Variants in NT5C3A observed in about 807,000 individuals in gnomAD.
NT5C3A encodes 5'-nucleotidase, cytosolic IIIA.
NT5C3A carries 23 observed loss-of-function variants against 40.0 expected under a neutral mutation model. That is an observed-to-expected ratio of 0.58 (90% CI 0.41 to 0.81). The LOEUF is 0.81. NT5C3A is among the 40% of genes least tolerant of loss of function. The pLI, the probability that NT5C3A is intolerant of heterozygous loss-of-function variation, is 0.00. For missense variants in NT5C3A, 328 were observed against 403.0 expected (o/e 0.81, Z 1.59); for synonymous variants, 130 against 141.4 (o/e 0.92, Z 0.57).
rs986951507 is a variant in NT5C3A, at chr7:33,062,760, C to T, written c.-55G>A. ...GAAAAAAACAGGCAGCTCGCGTAGA[C>T]TGCGAGTCTCGGAAGCGCGGGATCC... is the stretch of plus-strand genomic sequence containing the variant. On this transcript the variant is annotated 5_prime_UTR_variant, in exon 1 of 9. Transcript: ENST00000610140. The T allele has an allele frequency of 7.7e-6, 12 of 1,548,792 alleles. No individual in the cohort carries two copies. The highest frequency in any genetic ancestry group is 1.4e-5 in the African/African-American group (1 of 72,988).
At chr7:33,056,433 T>G (rs908079161) in intron 1 of NT5C3A, among the ~76,000 whole-genome samples, 1 of 120,116 alleles carries the variant, frequency 8.3e-6, no homozygotes, top group Admixed American at 1.2e-4. Context: ...GCCCAGGAAT[T>G]TAAGACCAGC....
rs1231312018 is a variant in NT5C3A at position 33,021,318 on chromosome 7, C to T, written c.394G>A (p.Asp132Asn). 5 of 1,612,012 alleles carry T rather than the reference C, an allele frequency of 3.1e-6. No individual in the cohort carries two copies. The Admixed American group carries it at 8.3e-5, about 27-fold the overall frequency. Residue 132 changes from aspartate (D) to asparagine (N), a missense_variant, in exon 5 of 9, where the codon GAT (aspartate) becomes AAT (asparagine). Asp to Asn is a conservative substitution (Grantham distance 23). This residue lies in a region of NT5C3A where 280 missense variants were observed against 317.2 expected (regional missense o/e 0.88). Transcript: ENST00000610140. ...LKEKYYAIEV[D>N]PVLTVEEKYP... ...TTCTCTTCTACAGTAAGAACAGGAT[C>T]AACTTCAATAGCGTAATATTTTTCC... is the stretch of plus-strand genomic sequence containing the variant.
chr7:33,019,891 A>C (rs532250890), intron 5 of NT5C3A, among the ~76,000 whole-genome samples, 167 bp from the exon 6 acceptor site: 2 of 152,326 alleles, frequency 1.3e-5, no homozygotes, highest in Admixed American at 1.3e-4. Flanking sequence ...ATGTCTCAAA[A>C]TGTGATATGC....
At chr7:33,033,895 A>ATATAAT (rs1562595149) in intron 1 of NT5C3A, among the ~76,000 whole-genome samples, 2 of 137,170 alleles carry the variant, frequency 1.5e-5, no homozygotes, top group African/African-American at 5.6e-5. Context: ...TATATATATA[A>ATATAAT]TTTTTTTTTT....
chr7:33,027,696 T>C (rs953121452), intron 1 of NT5C3A, among the ~76,000 whole-genome samples: 1 of 152,108 alleles, frequency 6.6e-6, no homozygotes, highest in African/African-American at 2.4e-5. Context: ...ATTTTAACCA[T>C]GAATACCCCA....
chr7:33,060,974 T>C (rs776198805), intron 1 of NT5C3A, among the ~76,000 whole-genome samples: 3 of 152,264 alleles, frequency 2.0e-5, no homozygotes, highest in African/African-American at 4.8e-5. Context: ...CTGATTTCTT[T>C]AGTACCAATA....
intron 2 of NT5C3A, among the ~76,000 whole-genome samples, chr7:33,025,063 T>C (rs886305909): frequency 1.3e-5 from 2 of 152,078 alleles, no homozygotes; most frequent in Non-Finnish European, 1.5e-5. Context: ...CACTTGAACC[T>C]GGGAGGCGCA....
chr7:33,062,486 G>A (rs1787820963), intron 1 of NT5C3A, 82 bp downstream of exon 1: 2 of 1,293,894 alleles, frequency 1.5e-6, no homozygotes. Flanking sequence ...ACCGAACAGC[G>A]GCCCAGCACA....
chr7:33,041,472 TTATG>T (rs1372984187), intron 1 of NT5C3A, among the ~76,000 whole-genome samples: 2 of 152,164 alleles, frequency 1.3e-5, no homozygotes, highest in Non-Finnish European at 2.9e-5. Context: ...ACGATTTATA[TTATG>T]TATATTTTAC....
intron 1 of NT5C3A, chr7:33,038,975 A>G (rs1277013201): frequency 4.5e-6 from 2 of 441,184 alleles, no homozygotes; most frequent in Non-Finnish European, 9.0e-6. Flanking sequence ...AGAGTCTTTA[A>G]ATGTGAACTG....
chr7:33,026,353 G>GAAGAAAAAA (rs1554290722), intron 2 of NT5C3A, among the ~76,000 whole-genome samples: 1 of 94,156 alleles, frequency 1.1e-5, no homozygotes, highest in East Asian at 3.6e-4. Context: ...CATCTCAAAA[G>GAAGAAAAAA]AAAAAAAAAA....
In NT5C3A at chr7:33,032,049, C is replaced by T. The variant is rs1433889888; in HGVS notation, c.139-5134G>A. On this transcript the variant is annotated intron_variant, in intron 1 of 8. Coordinates refer to ENST00000610140, the MANE Select transcript of NT5C3A (RefSeq NM_001002010.5). The stretch of plus-strand genomic sequence containing the variant: ...GTGAGACAGGAGAATCGCTTGAACC[C>T]GGGAGGCAGAGGTTGCAGTGAGCCG... Among the ~76,000 whole-genome samples, 11 of 151,676 alleles carry T rather than the reference C, an allele frequency of 7.3e-5. 1 individual carries two copies. The highest frequency in any genetic ancestry group is 1.3e-4 in the Non-Finnish European group (9 of 67,874).
At position 33,021,884 on chromosome 7, in the gene NT5C3A, T is replaced by C. The variant is rs889072404; in HGVS notation, c.354+169A>G. ...TTTTATCTTTAAAATATGTTTTGAA[T>C]GTGTAATTCATACAGCAAACCTACT... On this transcript the variant is annotated intron_variant, in intron 4 of 8. Transcript: ENST00000610140. 5.2e-6 allele frequency: 3 copies of C among 572,906 alleles called. No homozygotes were observed. The African/African-American group carries it at 5.7e-5, about 11-fold the overall frequency. The allele number at this position is 572,906 out of a possible 1,614,324, so 35.5% of individuals were successfully genotyped here. A position where few individuals can be genotyped will look rare whatever the true frequency, so the allele number is the denominator to read the frequency against.
intron 5 of NT5C3A, among the ~76,000 whole-genome samples, chr7:33,020,340 C>G (rs1785558801): frequency 6.6e-6 from 1 of 151,908 alleles, no homozygotes. Context: ...CTAAAAATAC[C>G]CCTATAATAT....
At chr7:33,061,277 A>G (rs1787766010) in intron 1 of NT5C3A, among the ~76,000 whole-genome samples, 1 of 152,284 alleles carries the variant, frequency 6.6e-6, no homozygotes, top group African/African-American at 2.4e-5. Context: ...TGCTGTGGGC[A>G]TACAGATGTG....
At chr7:33,032,458 T>C (rs903283956) in intron 1 of NT5C3A, among the ~76,000 whole-genome samples, 1 of 151,622 alleles carries the variant, frequency 6.6e-6, no homozygotes, top group Non-Finnish European at 1.5e-5. Context: ...TTTTATGTTT[T>C]TTTATTTTTA....
chr7:33,028,736 A>C (rs1786082120), intron 1 of NT5C3A, among the ~76,000 whole-genome samples: 1 of 152,174 alleles, frequency 6.6e-6, no homozygotes, highest in South Asian at 2.1e-4. Context: ...ACTGTCTTCC[A>C]AAGACTGGAA....
At chr7:33,028,505 A>G (rs1026855359) in intron 1 of NT5C3A, among the ~76,000 whole-genome samples, 46 of 152,182 alleles carry the variant, frequency 3.0e-4, no homozygotes, top group African/African-American at 1.1e-3. Context: ...CCTCAAATCC[A>G]AGTTCTATAC....
chr7:33,061,743 C>G (rs1787787222), intron 1 of NT5C3A, among the ~76,000 whole-genome samples: 1 of 152,060 alleles, frequency 6.6e-6, no homozygotes, highest in African/African-American at 2.4e-5. Flanking sequence ...CACGGTCAGG[C>G]GTATACCCAG....
Sources: allele counts gnomAD v4.1 joint callset (sites outside exome capture counted in the v4.1 genomes callset), GRCh38; gene constraint gnomAD v4.1.1; regional missense constraint gnomAD v4.1.1; transcripts MANE v1.5; gene names NCBI Gene and HGNC (gene_info 2026-07-23, HGNC 2026-07-21).